Variants in SLC4A4 observed in about 807,000 individuals in gnomAD.
SLC4A4 encodes the protein solute carrier family 4 member 4.
In SLC4A4, 27 loss-of-function variants were observed where a neutral mutation model predicts 111.5. The ratio of observed to expected loss-of-function variants is 0.24; its 90% CI spans 0.18 to 0.33. The LOEUF (loss-of-function observed/expected upper bound fraction) is 0.33, where lower values mean the gene tolerates loss of function less well. Among genes scored for constraint, SLC4A4 ranks in the 10% least tolerant of loss-of-function variants. The pLI, the probability that SLC4A4 is intolerant of heterozygous loss-of-function variation, is 1.00. For synonymous variants in SLC4A4, 443 were observed against 463.4 expected, an observed-to-expected ratio of 0.96 and a Z score of 0.57; for missense variants, 909 against 1,315.5, an observed-to-expected ratio of 0.69 and a Z score of 4.78.
At chr4:71,289,091 T>G (rs746903348) in intron 3 of SLC4A4, among the ~76,000 whole-genome samples, 2 of 152,102 alleles carry the variant, frequency 1.3e-5, no homozygotes, top group Non-Finnish European at 2.9e-5. Flanking sequence ...GCAAAGCAGG[T>G]TGGGAGCCAG....
At chr4:71,548,247 T>C (rs1735698285) in intron 20 of SLC4A4, among the ~76,000 whole-genome samples, 1 of 151,922 alleles carries the variant, frequency 6.6e-6, no homozygotes, top group South Asian at 2.1e-4. Flanking sequence ...TTCACAAAGG[T>C]AAATTAGAGT....
intron 7 of SLC4A4, among the ~76,000 whole-genome samples, chr4:71,413,351 T>C (rs1411421578): frequency 6.6e-6 from 1 of 152,224 alleles, no homozygotes; most frequent in African/African-American, 2.4e-5. Flanking sequence ...CTTAAAGAAC[T>C]GCTAGCAGTC....
chr4:71,516,341 C>T (rs1355999768), intron 16 of SLC4A4, among the ~76,000 whole-genome samples: 1 of 152,066 alleles, frequency 6.6e-6, no homozygotes, highest in Non-Finnish European at 1.5e-5. Context: ...TCGTGATCCA[C>T]CTGCCTTGGC....
Position 71,353,122 on chromosome 4 carries a change from T to C in SLC4A4, c.550+3050T>C, listed in dbSNP as rs184442098. 1.9e-4 allele frequency among the ~76,000 whole-genome samples: 29 copies of C among 152,340 alleles called. 1 individual carries two copies. Among genetic ancestry groups the C allele is most frequent in the Admixed American group, 1.7e-3 (26 of 15,306 alleles). On this transcript the variant is annotated intron_variant, in intron 5 of 25. Coordinates refer to ENST00000264485, the MANE Select transcript of SLC4A4 (RefSeq NM_001098484.3). ...AGAGAAGGTTTTGGTACTTACTACA[T>C]ATAAGAGAGGTTAGCCAAGCATTTT... is the stretch of plus-strand genomic sequence containing the variant.
intron 2 of SLC4A4, among the ~76,000 whole-genome samples, chr4:71,121,691 T>G (rs1743433496): frequency 6.6e-6 from 1 of 151,612 alleles, no homozygotes; most frequent in South Asian, 2.1e-4. Context: ...CAGCTCTCTG[T>G]AAAATGGACC....
chr4:71,534,192 T>A, intron 17 of SLC4A4, 35 bp from the exon 18 acceptor site: 1 of 1,608,834 alleles, frequency 6.2e-7, no homozygotes, highest in South Asian at 1.1e-5. Context: ...ATTAACCTGA[T>A]AATTTTCTGA....
chr4:71,235,256 T>A (rs1248525037), intron 1 of SLC4A4, among the ~76,000 whole-genome samples: 2 of 152,226 alleles, frequency 1.3e-5, no homozygotes, highest in Non-Finnish European at 2.9e-5. Flanking sequence ...TCACTTTTTA[T>A]GTTATGATGG....
intron 5 of SLC4A4, among the ~76,000 whole-genome samples, chr4:71,354,249 G>A (rs1384121031): frequency 6.6e-6 from 1 of 152,158 alleles, no homozygotes; most frequent in Admixed American, 6.5e-5. Flanking sequence ...GGAAAATGTA[G>A]CTCTATTTTT....
intron 6 of SLC4A4, among the ~76,000 whole-genome samples, chr4:71,374,514 T>C (rs1732170714): frequency 6.6e-6 from 1 of 152,198 alleles, no homozygotes; most frequent in Non-Finnish European, 1.5e-5. Flanking sequence ...ATACAGGCAG[T>C]TCTAACCACT....
Position 71,530,230 on chromosome 4 carries a change from G to A in SLC4A4, c.2167-1832G>A, listed in dbSNP as rs1252850880. Among the ~76,000 whole-genome samples, 3 of 152,226 alleles carry A rather than the reference G, an allele frequency of 2.0e-5. No individual in the cohort carries two copies. The East Asian group carries it at 5.8e-4, about 29-fold the overall frequency. On this transcript the variant is annotated intron_variant, in intron 16 of 25. Transcript: ENST00000264485. ...AGTTATTCCAGTGGTCTGCAGCCAT[G>A]AGAACTTCTAGAACTTGAAATAACA...
intron 7 of SLC4A4, among the ~76,000 whole-genome samples, chr4:71,423,986 C>A (rs543609918): frequency 7.3e-5 from 11 of 151,608 alleles, no homozygotes; most frequent in African/African-American, 2.7e-4. Context: ...CCAAAATTGA[C>A]AAATGGGATC....
At chr4:71,201,950 C>T (rs1029716062) in intron 1 of SLC4A4, among the ~76,000 whole-genome samples, 1 of 152,118 alleles carries the variant, frequency 6.6e-6, no homozygotes, top group Non-Finnish European at 1.5e-5. Flanking sequence ...GTTGGCCTCC[C>T]TCAAAGTAAC....
chr4:71,073,010 G>A (rs140785707), intron 1 of SLC4A4, among the ~76,000 whole-genome samples: 85 of 152,000 alleles, frequency 5.6e-4, no homozygotes, highest in African/African-American at 1.9e-3. Flanking sequence ...TGAGGGATCC[G>A]CCTGCCTTGG....
At chr4:71,182,556 T>C (rs2148988638), upstream of SLC4A4, among the ~76,000 whole-genome samples, 1 of 152,272 alleles carries the variant, frequency 6.6e-6, no homozygotes, top group East Asian at 1.9e-4. Context: ...TGAATCCGCA[T>C]GACTTGGTCC....
chr4:71,415,278 G>A (rs1721734417), intron 7 of SLC4A4, among the ~76,000 whole-genome samples: 2 of 152,134 alleles, frequency 1.3e-5, no homozygotes, highest in Admixed American at 6.6e-5. Flanking sequence ...AAATGTGGTG[G>A]CAATCTAGCT....
chr4:71,287,500 A>G (rs1391480397), intron 3 of SLC4A4, among the ~76,000 whole-genome samples: 1 of 152,098 alleles, frequency 6.6e-6, no homozygotes, highest in African/African-American at 2.4e-5. Context: ...TTATTTTTCC[A>G]TTACTAATAC....
At chr4:71,135,895 C>T (rs981346186) in intron 2 of SLC4A4, among the ~76,000 whole-genome samples, 7 of 152,142 alleles carry the variant, frequency 4.6e-5, no homozygotes, top group South Asian at 4.1e-4. Context: ...TTTGAGTTGT[C>T]GATGCCTTGC....
rs138642900 is a variant in SLC4A4, at chr4:71,463,281, C to A, written c.1498-3163C>A. Among the ~76,000 whole-genome samples the A allele has an allele frequency of 1.0e-3, 155 of 152,246 alleles. 1 individual carries two copies. Among genetic ancestry groups the A allele is most frequent in the African/African-American group, 3.6e-3 (149 of 41,540 alleles). On this transcript the variant is annotated intron_variant, in intron 12 of 25. Coordinates refer to ENST00000264485, the MANE Select transcript of SLC4A4 (RefSeq NM_001098484.3). ...TTATGGCTTTTAAAAATACACATAT[C>A]CACACATTGTTTTCCTTTTTGTATG...
At chr4:71,476,102 G>A (rs1728346444) in intron 14 of SLC4A4, among the ~76,000 whole-genome samples, 1 of 151,700 alleles carries the variant, frequency 6.6e-6, no homozygotes, top group South Asian at 2.1e-4. Context: ...AAAGGCAGTG[G>A]ATAGTTATTT....
Sources: gnomAD v4.1 joint callset for allele counts (sites outside exome capture counted in the v4.1 genomes callset) on GRCh38, gnomAD v4.1.1 for gene constraint, MANE v1.5 for transcripts, NCBI Gene and HGNC (gene_info 2026-07-23, HGNC 2026-07-21) for gene names.